Variants in NTM observed in about 807,000 individuals in gnomAD.
NTM encodes the protein IgLON family member 2.
In NTM, 13 loss-of-function variants were observed where a neutral mutation model predicts 42.1. That is an observed-to-expected ratio of 0.31 (90% confidence interval 0.20 to 0.49). The LOEUF (loss-of-function observed/expected upper bound fraction) is 0.49. Ranked by LOEUF, NTM falls within the 20% of genes least tolerant of loss-of-function variation. The pLI, the probability that NTM is intolerant of heterozygous loss-of-function variation, is 0.99. For missense variants in NTM, 373 were observed against 452.8 expected, an observed-to-expected ratio of 0.82 and a Z score of 1.60; for synonymous variants, 187 against 179.2, an observed-to-expected ratio of 1.04 and a Z score of -0.35.
chr11:132,087,612 C>G (rs188718795), intron 2 of NTM, among the ~76,000 whole-genome samples: 193 of 152,240 alleles, frequency 1.3e-3, no homozygotes, highest in African/African-American at 4.5e-3. Flanking sequence ...GAATAGGGTC[C>G]TTCTCAAACA....
At chr11:131,831,063 T>C (rs548234513) in intron 1 of NTM, among the ~76,000 whole-genome samples, 1 of 152,322 alleles carries the variant, frequency 6.6e-6, no homozygotes, top group Admixed American at 6.5e-5. Flanking sequence ...AAGAAATCAT[T>C]TGGTAGAGTC....
chr11:131,801,954 A>G (rs965715147), intron 1 of NTM, among the ~76,000 whole-genome samples: 5 of 151,750 alleles, frequency 3.3e-5, no homozygotes, highest in Non-Finnish European at 5.9e-5. Context: ...TCCTCATATT[A>G]CCCTCCCCTC....
chr11:131,691,205 C>G (rs146764376), intron 1 of NTM, among the ~76,000 whole-genome samples: 1 of 152,174 alleles, frequency 6.6e-6, no homozygotes, highest in Non-Finnish European at 1.5e-5. Flanking sequence ...TACGGCCCGT[C>G]CCCCCGCAGT....
chr11:131,556,584 T>C (rs1246809575), intron 1 of NTM, among the ~76,000 whole-genome samples: 2 of 141,772 alleles, frequency 1.4e-5, no homozygotes, highest in East Asian at 2.0e-4. Context: ...TTTTTTTTTT[T>C]TGAGGTGGAG....
intron 2 of NTM, among the ~76,000 whole-genome samples, chr11:132,080,727 A>G (rs746559110): frequency 1.2e-4 from 18 of 152,174 alleles, no homozygotes; most frequent in African/African-American, 3.9e-4. Flanking sequence ...ATGCATCTCC[A>G]TGGAATATCT....
rs543911484 is a variant in NTM at position 131,956,805 on chromosome 11, A to G, written c.167+45157A>G. Among the ~76,000 whole-genome samples, 6 of 152,192 alleles carry G rather than the reference A, an allele frequency of 3.9e-5. No individual in the cohort carries two copies. In the South Asian group the frequency reaches 6.2e-4, roughly 16 times the overall value. On this transcript the variant is annotated intron_variant, in intron 2 of 8. Coordinates refer to ENST00000683400, the MANE Select transcript of NTM (RefSeq NM_001352005.2). ...TATGGTCAGCCTCTGTTTTTGTGGG[A>G]CAGCATCAGCCTGAAGCCAGGCAAA... is the stretch of plus-strand genomic sequence containing the variant.
chr11:131,685,184 C>A (rs1415476544), intron 1 of NTM, among the ~76,000 whole-genome samples: 2 of 152,324 alleles, frequency 1.3e-5, no homozygotes, highest in Admixed American at 1.3e-4. Flanking sequence ...AGAAGCCCAG[C>A]AGTTGGGCCC....
At chr11:132,092,770 A>C (rs1362692659) in intron 2 of NTM, among the ~76,000 whole-genome samples, 1 of 152,200 alleles carries the variant, frequency 6.6e-6, no homozygotes, top group Non-Finnish European at 1.5e-5. Context: ...CCTCAAGCTC[A>C]GTTTCCATAT....
chr11:131,847,033 T>C (rs1021204241), intron 1 of NTM, among the ~76,000 whole-genome samples: 2 of 152,294 alleles, frequency 1.3e-5, no homozygotes, highest in Admixed American at 6.5e-5. Flanking sequence ...TTGATCATGA[T>C]GTGGTAGCTA....
intron 4 of NTM, among the ~76,000 whole-genome samples, chr11:132,217,739 A>G (rs1283483896): frequency 6.6e-6 from 1 of 151,982 alleles, no homozygotes; most frequent in East Asian, 1.9e-4. Context: ...GAAGAGGTCC[A>G]GTGGACATTT....
At chr11:131,436,981 G>T (rs910429981) in intron 1 of NTM, among the ~76,000 whole-genome samples, 3 of 152,172 alleles carry the variant, frequency 2.0e-5, no homozygotes, top group South Asian at 2.1e-4. Flanking sequence ...CAGGTACGTT[G>T]TGTCTTTGTT....
chr11:131,457,630 T>C (rs1024031922), intron 1 of NTM, among the ~76,000 whole-genome samples: 1 of 152,076 alleles, frequency 6.6e-6, no homozygotes, highest in Non-Finnish European at 1.5e-5. Context: ...ATACGTTAAG[T>C]AGGTGTTTGT....
intron 1 of NTM, among the ~76,000 whole-genome samples, chr11:131,778,096 C>A (rs534070646): frequency 6.6e-6 from 1 of 152,218 alleles, no homozygotes; most frequent in Admixed American, 6.5e-5. Flanking sequence ...TAACCCCACT[C>A]AATACATAGG....
intron 2 of NTM, among the ~76,000 whole-genome samples, chr11:131,915,033 C>CA (rs2056052279): frequency 1.3e-5 from 2 of 152,192 alleles, no homozygotes; most frequent in African/African-American, 4.8e-5. Context: ...GCACTGGTAA[C>CA]AATCACGTTA....
intron 1 of NTM, among the ~76,000 whole-genome samples, chr11:131,630,134 G>T (rs1224530314): frequency 6.6e-6 from 1 of 152,016 alleles, no homozygotes; most frequent in Admixed American, 6.5e-5. Context: ...TTAATCACAC[G>T]GCTCCATCTA....
intron 1 of NTM, among the ~76,000 whole-genome samples, chr11:131,374,606 G>C (rs1187254969): frequency 1.3e-5 from 2 of 152,130 alleles, no homozygotes; most frequent in Non-Finnish European, 2.9e-5. Flanking sequence ...TTGGTTCCCT[G>C]CCTGAGGTGA....
chr11:131,565,677 A>T (rs1168433206), intron 1 of NTM, among the ~76,000 whole-genome samples: 3 of 152,210 alleles, frequency 2.0e-5, no homozygotes, highest in Non-Finnish European at 2.9e-5. Context: ...AATTTATCAT[A>T]CATTTGAGCC....
chr11:131,464,503 G>A (rs140408364), intron 1 of NTM, among the ~76,000 whole-genome samples: 252 of 152,212 alleles, frequency 1.7e-3, no homozygotes, highest in African/African-American at 5.9e-3. Flanking sequence ...CTCCCTAACA[G>A]GATTCCCACC....
intron 2 of NTM, among the ~76,000 whole-genome samples, chr11:132,086,281 G>T (rs28829991): frequency 0.083 from 11,808 of 141,494 alleles, 497 homozygotes; most frequent in Middle Eastern, 0.15. Flanking sequence ...CCGAGATCAT[G>T]CCACTGCACT....
Sources: allele counts gnomAD v4.1 joint callset (sites outside exome capture counted in the v4.1 genomes callset), GRCh38; gene constraint gnomAD v4.1.1; transcripts MANE v1.5; gene names NCBI Gene and HGNC (gene_info 2026-07-23, HGNC 2026-07-21).